ARHGAP15: variants seen among roughly 807,000 people sequenced by gnomAD.
ARHGAP15 encodes the protein Rho GTPase activating protein 15.
In ARHGAP15, 51 loss-of-function variants were observed where a neutral mutation model predicts 63.7. The ratio of observed to expected loss-of-function variants is 0.80; its 90% CI spans 0.64 to 1.01. The LOEUF (loss-of-function observed/expected upper bound fraction) is 1.01, where lower values mean the gene tolerates loss of function less well. ARHGAP15 is among the 50% of genes least tolerant of loss of function. ARHGAP15 has a pLI of 0.00. For missense variants in ARHGAP15, 560 were observed against 564.6 expected, an observed-to-expected ratio of 0.99 and a Z score of 0.08; for synonymous variants, 191 against 193.8, an observed-to-expected ratio of 0.99 and a Z score of 0.12.
intron 2 of ARHGAP15, among the ~76,000 whole-genome samples, chr2:143,169,370 G>A (rs1690675657): frequency 1.3e-5 from 2 of 151,984 alleles, no homozygotes; most frequent in African/African-American, 4.8e-5. Context: ...ATTTGAGTTG[G>A]TGATGCTGGC....
At chr2:143,351,102 T>C (rs1431071077) in intron 6 of ARHGAP15, 1 of 152,148 alleles carries the variant, frequency 6.6e-6, no homozygotes, top group Non-Finnish European at 1.5e-5. Context: ...AGGTCAAAAG[T>C]TTAAGAATGG....
At chr2:143,552,575 G>T (rs1309335558) in intron 10 of ARHGAP15, among the ~76,000 whole-genome samples, 1 of 151,642 alleles carries the variant, frequency 6.6e-6, no homozygotes, top group Non-Finnish European at 1.5e-5. Flanking sequence ...GGGTGGGGAG[G>T]CAGGGGAAGA....
chr2:143,336,282 C>T (rs1226300461), intron 6 of ARHGAP15, among the ~76,000 whole-genome samples: 1 of 152,070 alleles, frequency 6.6e-6, no homozygotes, highest in Non-Finnish European at 1.5e-5. Context: ...TAGAGGAAAC[C>T]ACTGAAGGGC....
intron 6 of ARHGAP15, among the ~76,000 whole-genome samples, chr2:143,302,137 C>T (rs1477889892): frequency 1.3e-5 from 2 of 151,930 alleles, no homozygotes; most frequent in African/African-American, 4.8e-5. Flanking sequence ...ACCTCTTTTA[C>T]ATAGGCATGT....
intron 10 of ARHGAP15, among the ~76,000 whole-genome samples, chr2:143,553,926 C>T (rs1695679698): frequency 6.6e-6 from 1 of 152,054 alleles, no homozygotes; most frequent in African/African-American, 2.4e-5. Flanking sequence ...GATTTTACAC[C>T]TTGTATAAAT....
intron 6 of ARHGAP15, among the ~76,000 whole-genome samples, chr2:143,285,466 T>A (rs1428231641): frequency 6.6e-6 from 1 of 152,188 alleles, no homozygotes; most frequent in Non-Finnish European, 1.5e-5. Flanking sequence ...TTTTCCAATA[T>A]CTTTACCTCG....
rs1224372615 is a variant in ARHGAP15 at position 143,202,191 on chromosome 2, T to C, written c.223T>C (p.Leu75=). Residue 75 remains leucine, a synonymous_variant, in exon 3 of 14, where the codon TTG becomes CTG. Coordinates refer to ENST00000295095, the MANE Select transcript of ARHGAP15 (RefSeq NM_018460.4). ...QHILKDVIPP[L]EQLMVEKEGY... ...TATCTTGAAAGATGTCATTCCTCCA[T>C]TGGAACAACTGGTGAGTGTTTAAGT... 1.9e-6 allele frequency: 3 copies of C among 1,611,310 alleles called. No individual in the cohort carries two copies. Among genetic ancestry groups the C allele is most frequent in the Non-Finnish European group, 2.5e-6 (3 of 1,177,804 alleles).
intron 3 of ARHGAP15, among the ~76,000 whole-genome samples, chr2:143,205,668 C>A (rs1692303243): frequency 1.3e-5 from 2 of 152,144 alleles, no homozygotes; most frequent in South Asian, 4.1e-4. Context: ...TGAAATCCCT[C>A]AAGTTGAACC....
chr2:143,337,038 C>G (rs906849503), intron 6 of ARHGAP15, among the ~76,000 whole-genome samples: 1 of 151,750 alleles, frequency 6.6e-6, no homozygotes, highest in African/African-American at 2.4e-5. Context: ...GGGAGAGAAA[C>G]CTCCAAGACA....
chr2:143,206,804 A>C (rs1245354522), intron 3 of ARHGAP15, among the ~76,000 whole-genome samples: 2 of 152,082 alleles, frequency 1.3e-5, no homozygotes, highest in Non-Finnish European at 2.9e-5. Context: ...AAAGTACAAA[A>C]ATAATTATGA....
chr2:143,756,210 A>C (rs1285257737), intron 13 of ARHGAP15, among the ~76,000 whole-genome samples: 1 of 152,220 alleles, frequency 6.6e-6, no homozygotes, highest in African/African-American at 2.4e-5. Flanking sequence ...AATACTTTGC[A>C]TACTGAAAAT....
At position 143,330,133 on chromosome 2, in the gene ARHGAP15, C is replaced by CAAAAAAAAAAAAA. The variant is rs1558898102; in HGVS notation, c.474+79538_474+79539insAAAAAAAAAAAAA. ...AAAAAAAAAAAAAAAAAAAAAAAAC[C>CAAAAAAAAAAAAA]AAAAACAAAAAACTAAACTAATGAT... On this transcript the variant is annotated intron_variant, in intron 6 of 13. Coordinates refer to ENST00000295095, the MANE Select transcript of ARHGAP15 (RefSeq NM_018460.4). 6.3e-3 allele frequency among the ~76,000 whole-genome samples: 236 copies of CAAAAAAAAAAAAA among 37,332 alleles called. 31 individuals are homozygous for CAAAAAAAAAAAAA. The highest frequency in any genetic ancestry group is 9.0e-3 in the Non-Finnish European group (173 of 19,150). 24.5% of individuals were successfully genotyped at this position (37,332 alleles called of 152,430 possible). A position where few individuals can be genotyped will look rare whatever the true frequency, so the allele number is the denominator to read the frequency against.
intron 12 of ARHGAP15, among the ~76,000 whole-genome samples, chr2:143,634,169 C>T (rs1680187342): frequency 6.6e-6 from 1 of 152,094 alleles, no homozygotes; most frequent in Admixed American, 6.6e-5. Context: ...CATTGGTACC[C>T]TGGCTCTTCT....
At chr2:143,270,399 G>A (rs188443278) in intron 6 of ARHGAP15, among the ~76,000 whole-genome samples, 123 of 152,190 alleles carry the variant, frequency 8.1e-4, no homozygotes, top group Non-Finnish European at 1.3e-3. Context: ...CATCCTGATC[G>A]GTAGCTTTTC....
In ARHGAP15 at chr2:143,569,020, G is replaced by A. The variant is rs1180744977; in HGVS notation, c.1003+12535G>A. 1.3e-5 allele frequency among the ~76,000 whole-genome samples: 2 copies of A among 152,176 alleles called. 1 individual carries two copies. The highest frequency in any genetic ancestry group is 6.3e-3 in the Middle Eastern group (2 of 316). On this transcript the variant is annotated intron_variant, in intron 11 of 13. Coordinates refer to ENST00000295095, the MANE Select transcript of ARHGAP15 (RefSeq NM_018460.4). ...ACACACCAGGGCCTGTCATAGGATG[G>A]GGGGCAGGGGGAGGGATAGCACTGG...
intron 12 of ARHGAP15, among the ~76,000 whole-genome samples, chr2:143,664,663 A>G (rs539076425): frequency 2.0e-5 from 3 of 152,024 alleles, no homozygotes; most frequent in African/African-American, 7.3e-5. Flanking sequence ...AAATTGATAG[A>G]CCACTAGCAA....
intron 13 of ARHGAP15, among the ~76,000 whole-genome samples, chr2:143,755,276 G>C (rs944149834): frequency 3.1e-5 from 3 of 95,920 alleles, no homozygotes; most frequent in African/African-American, 1.1e-4. Flanking sequence ...AGCATATATG[G>C]GGGGGGGGGA....
chr2:143,575,102 T>C (rs1352298148), intron 11 of ARHGAP15, among the ~76,000 whole-genome samples: 1 of 152,208 alleles, frequency 6.6e-6, no homozygotes, highest in Admixed American at 6.6e-5. Context: ...TATTTCTTCA[T>C]TCTGACATGT....
chr2:143,497,770 T>A (rs146905294), intron 9 of ARHGAP15, among the ~76,000 whole-genome samples: 6 of 152,310 alleles, frequency 3.9e-5, no homozygotes, highest in Admixed American at 6.5e-5. Context: ...GATTGATTAT[T>A]TGAGCAAATG....
Sources: gnomAD v4.1 joint callset for allele counts (sites outside exome capture counted in the v4.1 genomes callset) on GRCh38, gnomAD v4.1.1 for gene constraint, MANE v1.5 for transcripts, NCBI Gene and HGNC (gene_info 2026-07-23, HGNC 2026-07-21) for gene names.